Variants in GLT1D1 observed in about 807,000 individuals in gnomAD.
GLT1D1 encodes glycosyltransferase 1 domain-containing protein 1.
A neutral mutation model predicts 28.7 loss-of-function variants in GLT1D1; 21 were observed. The observed-to-expected ratio is 0.73, with a 90% CI of 0.52 to 1.05. GLT1D1 has a LOEUF of 1.05. Among genes scored for constraint, GLT1D1 ranks in the 50% least tolerant of loss-of-function variants. The pLI is 0.00. For synonymous variants in GLT1D1, 147 were observed against 124.8 expected, an observed-to-expected ratio of 1.18 and a Z score of -1.19; for missense variants, 343 against 330.6, an observed-to-expected ratio of 1.04 and a Z score of -0.29.
intron 4 of GLT1D1, among the ~76,000 whole-genome samples, chr12:128,934,362 A>G (rs1874307050): frequency 1.3e-5 from 2 of 151,626 alleles, no homozygotes; most frequent in South Asian, 4.2e-4. Flanking sequence ...CCTGGCTAAT[A>G]TTTGTATTTT....
chr12:128,894,306 G>A (rs571204151), intron 3 of GLT1D1, among the ~76,000 whole-genome samples: 3 of 152,244 alleles, frequency 2.0e-5, no homozygotes, highest in East Asian at 1.9e-4. Flanking sequence ...AGGAAAGCTC[G>A]GGGCAGGCAC....
chr12:128,879,405 T>TCTTC (rs1566096403), intron 2 of GLT1D1, among the ~76,000 whole-genome samples: 2 of 90,482 alleles, frequency 2.2e-5, no homozygotes, highest in East Asian at 3.0e-4. Context: ...TTTCTTTCTT[T>TCTTC]CTTTCTTTCT....
At chr12:128,902,492 A>T (rs111409059) in intron 4 of GLT1D1, among the ~76,000 whole-genome samples, 8,962 of 151,000 alleles carry the variant, frequency 0.059, 402 homozygotes, top group Middle Eastern at 0.1. Flanking sequence ...GTCTCAAAAA[A>T]AAAAAAAAGA....
At chr12:128,864,320 A>G (rs1956461914) in intron 1 of GLT1D1, 1 of 419,830 alleles carries the variant, frequency 2.4e-6, no homozygotes, top group East Asian at 3.6e-5. Flanking sequence ...TAACATGATC[A>G]GAAAGGAGAC....
At chr12:128,885,871 A>T (rs918694744) in intron 2 of GLT1D1, among the ~76,000 whole-genome samples, 2 of 152,164 alleles carry the variant, frequency 1.3e-5, no homozygotes, top group Non-Finnish European at 2.9e-5. Context: ...CTCCTTTAGT[A>T]GCAGTTTTTA....
chr12:128,981,061 G>T (rs1268513412), intron 7 of GLT1D1, among the ~76,000 whole-genome samples: 1 of 152,200 alleles, frequency 6.6e-6, no homozygotes, highest in Non-Finnish European at 1.5e-5. Context: ...GAGCCTCAGG[G>T]AGTGACTTAG....
chr12:128,907,594 C>T (rs1345756261), intron 4 of GLT1D1, among the ~76,000 whole-genome samples: 2 of 152,150 alleles, frequency 1.3e-5, no homozygotes, highest in African/African-American at 2.4e-5. Flanking sequence ...CGTAAGCCAC[C>T]GTGCCCCGCC....
At chr12:128,963,405 G>C (rs963920406) in intron 7 of GLT1D1, among the ~76,000 whole-genome samples, 2 of 152,162 alleles carry the variant, frequency 1.3e-5, no homozygotes, top group Non-Finnish European at 2.9e-5. Flanking sequence ...CCAGCACTTT[G>C]GGAGGCCGAG....
In GLT1D1 at chr12:128,953,730, A is replaced by G. The variant is rs143717690; in HGVS notation, c.541-3815A>G. The stretch of plus-strand genomic sequence containing the variant: ...CTTCTTTGGCCTGTGCGCACTAACA[A>G]TGACTAAAATAGCTTTTTTTTTTTT... On this transcript the variant is annotated intron_variant, in intron 6 of 7. Coordinates refer to ENST00000281703, the MANE Select transcript of GLT1D1 (RefSeq NM_144669.3). Among the ~76,000 whole-genome samples the G allele has an allele frequency of 2.3e-4, 32 of 139,786 alleles. No individual in the cohort carries two copies. In the East Asian group the frequency reaches 5.9e-3, roughly 26 times the overall value. 91.7% of individuals were successfully genotyped at this position (139,786 alleles called of 152,430 possible).
chr12:128,958,553 C>T (rs1315532675), intron 7 of GLT1D1, among the ~76,000 whole-genome samples: 1 of 108,954 alleles, frequency 9.2e-6, no homozygotes, highest in African/African-American at 3.6e-5. Flanking sequence ...CCAGCCTGGG[C>T]AACATGGTGA....
At chr12:128,886,124 C>G (rs911486817) in intron 2 of GLT1D1, among the ~76,000 whole-genome samples, 1 of 152,164 alleles carries the variant, frequency 6.6e-6, no homozygotes, top group African/African-American at 2.4e-5. Context: ...GTGAGATGTG[C>G]CTTTCACCTT....
chr12:128,927,200 T>G (rs2135917778), intron 4 of GLT1D1, 46 bp downstream of exon 8: 2 of 1,356,538 alleles, frequency 1.5e-6, no homozygotes, highest in East Asian at 5.0e-5. Context: ...TGTTTTCCTC[T>G]ATATACTTTT....
intron 2 of GLT1D1, among the ~76,000 whole-genome samples, chr12:128,883,149 C>T (rs1269448031): frequency 1.3e-5 from 2 of 151,238 alleles, no homozygotes; most frequent in Non-Finnish European, 2.9e-5. Context: ...TGGTCTCCAT[C>T]TCCTGACCTC....
rs368839365 is a variant in GLT1D1, at chr12:128,869,068, C to T, written c.69-6846C>T. 2.6e-4 allele frequency among the ~76,000 whole-genome samples: 40 copies of T among 152,316 alleles called. No individual in the cohort carries two copies. The East Asian group carries it at 4.8e-3, about 18-fold the overall frequency. On this transcript the variant is annotated intron_variant, in intron 1 of 7. Transcript: ENST00000281703. ...ATTTTTAGTAGAGACGGGGTTTCTC[C>T]ATGTTGATTAGGCTGGTCTCGAACT...
chr12:128,873,931 TTCTTTTTC>T (rs1956765969), intron 1 of GLT1D1, among the ~76,000 whole-genome samples: 3 of 144,468 alleles, frequency 2.1e-5, no homozygotes, highest in Non-Finnish European at 4.6e-5. Flanking sequence ...TTTTCTTTCT[TTCTTTTTC>T]TTTCTTTCTT....
At chr12:128,931,949 C>T (rs1873963778) in intron 4 of GLT1D1, among the ~76,000 whole-genome samples, 1 of 130,950 alleles carries the variant, frequency 7.6e-6, no homozygotes, top group South Asian at 2.3e-4. Context: ...ACAACGTTGG[C>T]CTTGTATGTC....
chr12:128,861,024 A>G (rs1408277551), intron 1 of GLT1D1, among the ~76,000 whole-genome samples: 2 of 152,156 alleles, frequency 1.3e-5, no homozygotes, highest in Non-Finnish European at 2.9e-5. Flanking sequence ...CTGCACAAGG[A>G]GTGGATGTAA....
intron 1 of GLT1D1, chr12:128,864,125 TG>T: frequency 1.5e-6 from 1 of 668,942 alleles, no homozygotes; most frequent in Non-Finnish European, 2.7e-6. Context: ...CCAGCTCGGC[TG>T]GGGCAGGAGA....
chr12:128,854,000 C>A (rs1319686001), intron 1 of GLT1D1, among the ~76,000 whole-genome samples: 1 of 151,974 alleles, frequency 6.6e-6, no homozygotes, highest in Admixed American at 6.5e-5. Flanking sequence ...GCAGCGGGGT[C>A]CGCGGAGCTC....
Sources: gnomAD v4.1 joint callset for allele counts (sites outside exome capture counted in the v4.1 genomes callset) on GRCh38, gnomAD v4.1.1 for gene constraint, MANE v1.5 for transcripts, NCBI Gene and HGNC (gene_info 2026-07-23, HGNC 2026-07-21) for gene names.